The following NRXN1 variants were observed in gnomAD, a reference collection of about 807,000 sequenced individuals.
NRXN1 encodes neurexin-1.
A neutral mutation model predicts 150.9 loss-of-function variants in NRXN1; 39 were observed. The observed-to-expected ratio is 0.26, with a 90% confidence interval of 0.20 to 0.34. NRXN1 has a LOEUF of 0.34. Ranked by LOEUF, NRXN1 falls within the 10% of genes least tolerant of loss-of-function variation. NRXN1 has a pLI of 1.00. For synonymous variants in NRXN1, 924 were observed against 757.0 expected, an observed-to-expected ratio of 1.22 and a Z score of -3.62; for missense variants, 1,815 against 1,949.9, an observed-to-expected ratio of 0.93 and a Z score of 1.30.
intron 5 of NRXN1, among the ~76,000 whole-genome samples, chr2:50,805,515 ATG>A (rs1667399988): frequency 6.6e-6 from 1 of 151,808 alleles, no homozygotes; most frequent in Non-Finnish European, 1.5e-5. Flanking sequence ...AATTAGCTAG[ATG>A]TGATCCCAGC....
At chr2:50,425,700 T>C (rs1019623241) in intron 17 of NRXN1, among the ~76,000 whole-genome samples, 3 of 152,196 alleles carry the variant, frequency 2.0e-5, no homozygotes, top group Non-Finnish European at 2.9e-5. Context: ...CTCCATGTTA[T>C]ATATTTAACA....
At chr2:50,210,999 T>C (rs903842997) in intron 18 of NRXN1, among the ~76,000 whole-genome samples, 1 of 151,754 alleles carries the variant, frequency 6.6e-6, no homozygotes, top group Non-Finnish European at 1.5e-5. Flanking sequence ...CACAGTGATA[T>C]ATAAGTTAAG....
intron 15 of NRXN1, among the ~76,000 whole-genome samples, chr2:50,481,824 G>A (rs537319000): frequency 1.7e-5 from 2 of 119,996 alleles, no homozygotes; most frequent in African/African-American, 8.7e-5. Flanking sequence ...GGAGTGCAGT[G>A]GCGGGATCTC....
At chr2:50,063,547 GACAC>G (rs3046664) in intron 19 of NRXN1, among the ~76,000 whole-genome samples, 1,425 of 137,568 alleles carry the variant, frequency 0.01, 10 homozygotes, top group African/African-American at 0.023. Context: ...CACCTCAACA[GACAC>G]ACACACACAC....
chr2:50,960,279 A>G (rs1692942569), intron 2 of NRXN1, among the ~76,000 whole-genome samples: 1 of 151,728 alleles, frequency 6.6e-6, no homozygotes, highest in Admixed American at 6.6e-5. Context: ...GGACTTAACA[A>G]CTTTTTCCCA....
chr2:50,778,729 C>T (rs1703976467), intron 5 of NRXN1, among the ~76,000 whole-genome samples: 1 of 152,168 alleles, frequency 6.6e-6, no homozygotes, highest in African/African-American at 2.4e-5. Context: ...TATCCTGCTA[C>T]AGTTTCCCTG....
At chr2:50,251,850 A>T (rs1171603459) in intron 17 of NRXN1, among the ~76,000 whole-genome samples, 1 of 152,138 alleles carries the variant, frequency 6.6e-6, no homozygotes, top group Non-Finnish European at 1.5e-5. Flanking sequence ...ATGTCTGTTA[A>T]TGCCCTTTGC....
chr2:50,153,441 A>C (rs1380505075), intron 18 of NRXN1, among the ~76,000 whole-genome samples: 5 of 151,206 alleles, frequency 3.3e-5, no homozygotes, highest in African/African-American at 1.2e-4. Context: ...TGATATGGCA[A>C]CTCTGGAAAT....
chr2:50,480,118 G>T (rs77503827), intron 15 of NRXN1, among the ~76,000 whole-genome samples: 1 of 152,286 alleles, frequency 6.6e-6, no homozygotes, highest in East Asian at 1.9e-4. Context: ...AGCTCATTAA[G>T]AAAATTTAGG....
At chr2:50,686,087 T>C (rs890302725) in intron 5 of NRXN1, among the ~76,000 whole-genome samples, 2 of 152,098 alleles carry the variant, frequency 1.3e-5, no homozygotes, top group African/African-American at 4.8e-5. Context: ...AATACATTTC[T>C]CCAGGTTTAA....
chr2:50,117,065 A>G (rs992963490), intron 18 of NRXN1, among the ~76,000 whole-genome samples: 23 of 152,144 alleles, frequency 1.5e-4, no homozygotes, highest in Non-Finnish European at 2.9e-4. Flanking sequence ...ATGCATGAAA[A>G]GCCTTGGGGA....
rs189341515 is a variant in NRXN1 at position 50,964,380 on chromosome 2, T to C, written c.773-38425A>G. Among the ~76,000 whole-genome samples the C allele has an allele frequency of 2.8e-3, 420 of 151,644 alleles. 2 individuals carry two copies. The highest frequency in any genetic ancestry group is 9.7e-3 in the African/African-American group (401 of 41,520). On this transcript the variant is annotated intron_variant, in intron 2 of 22. Transcript: ENST00000401669. ...TTAGTTTTGTTCATATACTGTAGCATAGAAAATCTGCATTCTGTACCTTCT... is the reference window on the plus strand; with the variant it reads ...TTAGTTTTGTTCATATACTGTAGCACAGAAAATCTGCATTCTGTACCTTCT...
chr2:50,573,613 A>G (rs1670978906), intron 8 of NRXN1, among the ~76,000 whole-genome samples: 1 of 152,074 alleles, frequency 6.6e-6, no homozygotes, highest in Admixed American at 6.6e-5. Context: ...TTAAGGTAAG[A>G]AATGAAACAG....
At chr2:50,078,268 CTTACAA>C (rs1697386729) in intron 19 of NRXN1, among the ~76,000 whole-genome samples, 1 of 151,636 alleles carries the variant, frequency 6.6e-6, no homozygotes, top group Non-Finnish European at 1.5e-5. Flanking sequence ...ATGCATTTGA[CTTACAA>C]TTACACAAAG....
chr2:50,119,123 G>A (rs1475736887), intron 18 of NRXN1, among the ~76,000 whole-genome samples: 1 of 152,020 alleles, frequency 6.6e-6, no homozygotes, highest in Admixed American at 6.6e-5. Context: ...CACATCTTAA[G>A]TTGAAAATTA....
chr2:50,384,304 A>C (rs1421765904), intron 17 of NRXN1, among the ~76,000 whole-genome samples: 2 of 151,984 alleles, frequency 1.3e-5, no homozygotes, highest in Non-Finnish European at 1.5e-5. Flanking sequence ...CAGGAGATTG[A>C]GACTATCCTG....
At chr2:50,253,497 A>C (rs566108782) in intron 17 of NRXN1, among the ~76,000 whole-genome samples, 2 of 152,138 alleles carry the variant, frequency 1.3e-5, no homozygotes, top group Non-Finnish European at 2.9e-5. Flanking sequence ...GTCAGTTTTC[A>C]AGAAGAATTC....
chr2:50,157,524 T>A lies in NRXN1; in HGVS notation c.3547-66030A>T, dbSNP rs973374154. Among the ~76,000 whole-genome samples the A allele has an allele frequency of 2.6e-5, 4 of 152,136 alleles. No individual in the cohort carries two copies. The East Asian group carries it at 5.8e-4, about 22-fold the overall frequency. ...CAATTCTTATTACAAGACTTTCACA[T>A]AATATAGGACTTACACACTCAGAGG... On this transcript the variant is annotated intron_variant, in intron 18 of 22. Transcript: ENST00000401669.
rs1668337807 is a variant in NRXN1, at chr2:49,922,199, C to G, written c.4269G>C (p.Val1423=). Residue 1423 remains valine (V), a synonymous_variant, in exon 23 of 23, where the codon GTG becomes GTC. Coordinates refer to ENST00000401669, the MANE Select transcript of NRXN1 (RefSeq NM_001330078.2). The stretch of plus-strand genomic sequence containing the variant: ...CCGTGGTGCTGCTGGACTCCCGGAT[C>G]ACTTCTGCTGAGCCTGGATACGGCT... ...GREPYPGSAE[V]IRESSSTTGM... is the part of the protein sequence containing the mutation. 1 of 1,614,172 alleles carries G rather than the reference C, an allele frequency of 6.2e-7. No individual in the cohort carries two copies. The highest frequency in any genetic ancestry group is 8.5e-7 in the Non-Finnish European group (1 of 1,180,022).
Sources: gnomAD v4.1 joint callset for allele counts (sites outside exome capture counted in the v4.1 genomes callset) on GRCh38, gnomAD v4.1.1 for gene constraint, MANE v1.5 for transcripts, NCBI Gene and HGNC (gene_info 2026-07-23, HGNC 2026-07-21) for gene names.